Variants in BNC2 observed in about 807,000 individuals in gnomAD.
BNC2 encodes zinc finger protein basonuclin-2.
In BNC2, 20 loss-of-function variants were observed where a neutral mutation model predicts 76.3. The observed-to-expected ratio is 0.26, with a 90% CI of 0.18 to 0.38. The LOEUF is 0.38. BNC2 is among the 10% of genes least tolerant of loss of function. The pLI is 1.00. For synonymous variants in BNC2, 582 were observed against 514.8 expected (o/e 1.13, Z -1.77); for missense variants, 1,382 against 1,399.8 (o/e 0.99, Z 0.20).
At chr9:16,695,445 A>AG in intron 3 of BNC2, among the ~76,000 whole-genome samples, 1 of 152,094 alleles carries the variant, frequency 6.6e-6, no homozygotes, top group Non-Finnish European at 1.5e-5. Flanking sequence ...CTCCAACTAA[A>AG]GCAACCTTCT....
intron 3 of BNC2, among the ~76,000 whole-genome samples, chr9:16,654,551 G>C (rs1372161933): frequency 6.6e-6 from 1 of 152,056 alleles, no homozygotes; most frequent in Non-Finnish European, 1.5e-5. Context: ...TTAATTATTT[G>C]AACAGCCATT....
intron 5 of BNC2, among the ~76,000 whole-genome samples, chr9:16,441,510 A>G (rs1463415511): frequency 6.6e-6 from 1 of 152,186 alleles, no homozygotes; most frequent in Admixed American, 6.5e-5. Context: ...AGAAATGCCA[A>G]GTTTTTTTCT....
intron 1 of BNC2, among the ~76,000 whole-genome samples, chr9:16,739,308 T>A (rs1587367980): frequency 6.6e-6 from 1 of 152,332 alleles, no homozygotes; most frequent in Non-Finnish European, 1.5e-5. Context: ...TCCAAGAAGA[T>A]TTATCTGGCA....
At chr9:16,634,443 T>C (rs1306682374) in intron 3 of BNC2, among the ~76,000 whole-genome samples, 1 of 152,136 alleles carries the variant, frequency 6.6e-6, no homozygotes, top group Non-Finnish European at 1.5e-5. Context: ...ATATGATTAT[T>C]GTTATTAAGA....
At chr9:16,856,317 C>T (rs989544494) in intron 1 of BNC2, among the ~76,000 whole-genome samples, 1 of 151,634 alleles carries the variant, frequency 6.6e-6, no homozygotes, top group Non-Finnish European at 1.5e-5. Context: ...TCCAGCATAT[C>T]TAATTATCAC....
intron 5 of BNC2, among the ~76,000 whole-genome samples, chr9:16,457,597 T>C (rs1483020157): frequency 6.6e-6 from 1 of 152,170 alleles, no homozygotes; most frequent in Admixed American, 6.5e-5. Context: ...GGGAAGCTCA[T>C]TTGCAACTCA....
intron 5 of BNC2, among the ~76,000 whole-genome samples, chr9:16,517,172 G>A (rs1340199703): frequency 1.3e-5 from 2 of 152,200 alleles, no homozygotes; most frequent in African/African-American, 2.4e-5. Flanking sequence ...TTACTGTTGT[G>A]TATAAGGTTC....
chr9:16,820,038 T>A (rs1818281584), intron 1 of BNC2, among the ~76,000 whole-genome samples: 1 of 144,132 alleles, frequency 6.9e-6, no homozygotes, highest in African/African-American at 2.6e-5. Flanking sequence ...GGCAGGAGAA[T>A]CGCTTGTGCC....
intron 4 of BNC2, among the ~76,000 whole-genome samples, chr9:16,567,926 G>T (rs554475275): frequency 6.6e-6 from 1 of 152,122 alleles, no homozygotes; most frequent in African/African-American, 2.4e-5. Context: ...AAATCTGTAC[G>T]AAAAGGGTCT....
At chr9:16,557,018 T>C (rs1043427351) in intron 4 of BNC2, among the ~76,000 whole-genome samples, 2 of 151,500 alleles carry the variant, frequency 1.3e-5, no homozygotes, top group Admixed American at 6.6e-5. Flanking sequence ...GATCTTCACA[T>C]ATCTGACTGT....
At chr9:16,583,110 G>C (rs1819673899) in intron 3 of BNC2, 25 bp from the exon 4 acceptor site, 1 of 1,575,256 alleles carries the variant, frequency 6.3e-7, no homozygotes, top group Non-Finnish European at 8.7e-7. Flanking sequence ...AGGAAAAAAA[G>C]GTCAGCATCT....
chr9:16,663,139 T>TTTTTTTTTTTTTTTTTTTTTTTTTTTG, intron 3 of BNC2, among the ~76,000 whole-genome samples: 1 of 144,262 alleles, frequency 6.9e-6, no homozygotes. Flanking sequence ...TCTTTTTTTT[T>TTTTTTTTTTTTTTTTTTTTTTTTTTTG]TTTTTTTGGA....
chr9:16,653,519 T>G (rs554334469), intron 3 of BNC2, among the ~76,000 whole-genome samples: 1 of 152,076 alleles, frequency 6.6e-6, no homozygotes, highest in Non-Finnish European at 1.5e-5. Context: ...ACACGCTCCC[T>G]CCAAGAATCC....
chr9:16,725,915 A>C (rs1824301501), intron 3 of BNC2, among the ~76,000 whole-genome samples: 1 of 152,022 alleles, frequency 6.6e-6, no homozygotes, highest in South Asian at 2.1e-4. Context: ...TTATCAATTG[A>C]TCATTATCTC....
chr9:16,571,653 A>G (rs1819326941), intron 4 of BNC2, among the ~76,000 whole-genome samples: 1 of 151,980 alleles, frequency 6.6e-6, no homozygotes, highest in Admixed American at 6.6e-5. Flanking sequence ...GCACCCCGAG[A>G]TAATAACACA....
chr9:16,771,968 T>C (rs1001590432), intron 1 of BNC2, among the ~76,000 whole-genome samples: 1 of 152,192 alleles, frequency 6.6e-6, no homozygotes, highest in African/African-American at 2.4e-5. Context: ...GGAAAAAGAA[T>C]TTTTAAATCC....
intron 5 of BNC2, among the ~76,000 whole-genome samples, chr9:16,472,849 T>G (rs1237412174): frequency 6.6e-6 from 1 of 152,194 alleles, no homozygotes; most frequent in Non-Finnish European, 1.5e-5. Context: ...GATATGGATT[T>G]GTGGATCGTG....
At chr9:16,675,171 C>T (rs941112654) in intron 3 of BNC2, among the ~76,000 whole-genome samples, 1 of 152,206 alleles carries the variant, frequency 6.6e-6, no homozygotes, top group Non-Finnish European at 1.5e-5. Flanking sequence ...ACCTTTCCCT[C>T]ACCTTTCCTG....
rs1189721532 is a variant in BNC2 at position 16,781,065 on chromosome 9, C to CT, written c.4-42581dup. ...GATAAAACGCTTTATCCAGGGACTT[C>CT]TTTTTTTTAGAGTGGGCACTCTAAA... On this transcript the variant is annotated intron_variant, in intron 1 of 6. Transcript: ENST00000380672. Among the ~76,000 whole-genome samples the CT allele has an allele frequency of 9.2e-5, 14 of 151,634 alleles. No individual in the cohort carries two copies. In the East Asian group the frequency reaches 2.5e-3, roughly 27 times the overall value.
Sources: allele counts gnomAD v4.1 joint callset (sites outside exome capture counted in the v4.1 genomes callset), GRCh38; gene constraint gnomAD v4.1.1; transcripts MANE v1.5; gene names NCBI Gene and HGNC (gene_info 2026-07-23, HGNC 2026-07-21).